Variants in RPSA2 observed in about 807,000 individuals in gnomAD.
RPSA2 encodes the protein small ribosomal subunit protein uS2B.
the RPSA2 span, among the ~76,000 whole-genome samples, chr19:23,862,554 C>T: frequency 6.6e-6 from 1 of 152,048 alleles, no homozygotes; most frequent in African/African-American, 2.4e-5. Flanking sequence ...TACATCCCAT[C>T]AATACCTAAT....
the RPSA2 span, among the ~76,000 whole-genome samples, chr19:23,865,904 G>T: frequency 6.6e-6 from 1 of 152,188 alleles, no homozygotes; most frequent in Non-Finnish European, 1.5e-5. Context: ...TGTTAGAATC[G>T]GTGTTCAGAG....
At chr19:23,867,871 T>C in the RPSA2 span, among the ~76,000 whole-genome samples, 2 of 151,416 alleles carry the variant, frequency 1.3e-5, no homozygotes, top group Non-Finnish European at 2.9e-5. Flanking sequence ...CAGGATTTAT[T>C]ATTGGGGTCA....
chr19:23,799,842 T>C, the RPSA2 span, among the ~76,000 whole-genome samples: 5 of 152,232 alleles, frequency 3.3e-5, no homozygotes, highest in South Asian at 6.2e-4. Flanking sequence ...AATTAGCATA[T>C]ATGGATGACC....
chr19:23,854,949 T>C, the RPSA2 span, among the ~76,000 whole-genome samples: 1 of 152,180 alleles, frequency 6.6e-6, no homozygotes, highest in Non-Finnish European at 1.5e-5. Flanking sequence ...AAAGCCAACA[T>C]ATGAAGGAGA....
the RPSA2 span, among the ~76,000 whole-genome samples, chr19:23,824,856 A>T: frequency 6.6e-6 from 1 of 150,912 alleles, no homozygotes; most frequent in African/African-American, 2.4e-5. Context: ...AAATTTGGGA[A>T]GTTTTCACCC....
chr19:23,801,675 T>A, the RPSA2 span, among the ~76,000 whole-genome samples: 5 of 152,212 alleles, frequency 3.3e-5, no homozygotes, highest in African/African-American at 7.2e-5. Flanking sequence ...AAACCAATAA[T>A]AAGTTATTTA....
the RPSA2 span, among the ~76,000 whole-genome samples, chr19:23,766,142 CCTTTTTTTTTTTTTTT>C: frequency 2.5e-4 from 11 of 43,262 alleles, no homozygotes; most frequent in Admixed American, 7.0e-4. Flanking sequence ...TATTTCATTT[CCTTTTTTTTTTTTTTT>C]TTTTTTTTTT....
chr19:23,788,091 G>A, the RPSA2 span, among the ~76,000 whole-genome samples: 13 of 152,086 alleles, frequency 8.5e-5, no homozygotes, highest in African/African-American at 2.4e-5. Flanking sequence ...TTGGCCAGTC[G>A]CCTAAATGAT....
the RPSA2 span, among the ~76,000 whole-genome samples, chr19:23,813,730 CT>C: frequency 7.3e-6 from 1 of 136,790 alleles, no homozygotes; most frequent in African/African-American, 2.7e-5. Flanking sequence ...ACACGGGTTT[CT>C]TTTTTTTTTG....
At chr19:23,767,809 C>T in the RPSA2 span, among the ~76,000 whole-genome samples, 1 of 139,450 alleles carries the variant, frequency 7.2e-6, no homozygotes, top group South Asian at 2.3e-4. Flanking sequence ...CTCTGTCGCC[C>T]AGGCTGGAGT....
chr19:23,766,628 G>T, the RPSA2 span, among the ~76,000 whole-genome samples: 434 of 151,668 alleles, frequency 2.9e-3, 3 homozygotes, highest in African/African-American at 9.6e-3. Context: ...CTAATTTTTT[G>T]TATATTTAGT....
the RPSA2 span, among the ~76,000 whole-genome samples, chr19:23,844,545 G>T: frequency 6.6e-6 from 1 of 151,986 alleles, no homozygotes; most frequent in Non-Finnish European, 1.5e-5. Context: ...TTCTTACTAT[G>T]CTTTTAGTTT....
chr19:23,775,671 CT>C, the RPSA2 span, among the ~76,000 whole-genome samples: 1 of 152,184 alleles, frequency 6.6e-6, no homozygotes, highest in Admixed American at 6.6e-5. Context: ...GGAAAATTTA[CT>C]CTCATAAGTG....
At chr19:23,849,777 T>A in the RPSA2 span, among the ~76,000 whole-genome samples, 1 of 152,144 alleles carries the variant, frequency 6.6e-6, no homozygotes, top group Non-Finnish European at 1.5e-5. Context: ...CTAAACCATA[T>A]GAGTCATTTT....
the RPSA2 span, among the ~76,000 whole-genome samples, chr19:23,835,621 T>C: frequency 2.6e-5 from 4 of 151,860 alleles, no homozygotes; most frequent in Non-Finnish European, 4.4e-5. Context: ...AATAGTTTTT[T>C]TTTTTGTTGT....
the RPSA2 span, among the ~76,000 whole-genome samples, chr19:23,870,738 A>G: frequency 6.6e-6 from 1 of 152,210 alleles, no homozygotes; most frequent in South Asian, 2.1e-4. Flanking sequence ...CAATCAGAAA[A>G]TAAAGCTGCC....
the RPSA2 span, among the ~76,000 whole-genome samples, chr19:23,858,694 G>A: frequency 6.6e-6 from 1 of 152,330 alleles, no homozygotes. Context: ...TAGGAAAGGA[G>A]CTACATGTGG....
the RPSA2 span, among the ~76,000 whole-genome samples, chr19:23,821,301 G>A: frequency 6.6e-6 from 1 of 152,196 alleles, no homozygotes; most frequent in Admixed American, 6.5e-5. Flanking sequence ...CAACTGCCTG[G>A]ATAAGTATGC....
At chr19:23,809,790 T>G in the RPSA2 span, among the ~76,000 whole-genome samples, 1 of 152,178 alleles carries the variant, frequency 6.6e-6, no homozygotes, top group Non-Finnish European at 1.5e-5. Flanking sequence ...ATGTTTTACT[T>G]TTGGTCTTCA....
Sources: allele counts gnomAD v4.1 joint callset (sites outside exome capture counted in the v4.1 genomes callset), GRCh38; gene constraint gnomAD v4.1.1; transcripts MANE v1.5; gene names NCBI Gene and HGNC (gene_info 2026-07-23, HGNC 2026-07-21).